The following PALD1 variants were observed in gnomAD, a reference collection of about 807,000 sequenced individuals.
The protein encoded by PALD1 is phosphatase domain containing paladin 1, also known as paladin.
Under a neutral mutation model 96.0 loss-of-function variants are expected in PALD1, and 57 were observed. The observed-to-expected ratio is 0.59, with a 90% CI of 0.48 to 0.74. The LOEUF is 0.74. PALD1 is among the 30% of genes least tolerant of loss of function. PALD1 has a pLI of 0.00. For missense variants in PALD1, 1,063 were observed against 1,143.7 expected (o/e 0.93, Z 1.02); for synonymous variants, 464 against 473.6 (o/e 0.98, Z 0.26).
chr10:70,471,281 A>T, the PALD1 span, among the ~76,000 whole-genome samples: 2 of 151,952 alleles, frequency 1.3e-5, no homozygotes, highest in East Asian at 1.9e-4. Flanking sequence ...TACATTTATT[A>T]CTCTTATCCC....
chr10:70,473,801 A>G (rs778746498), upstream of PALD1, among the ~76,000 whole-genome samples: 9 of 151,894 alleles, frequency 5.9e-5, no homozygotes, highest in Admixed American at 1.3e-4. Context: ...GCACGCCACT[A>G]TGCCTGGCTA....
intron 18 of PALD1, among the ~76,000 whole-genome samples, chr10:70,556,744 C>G (rs1457589986): frequency 1.3e-5 from 2 of 152,234 alleles, no homozygotes; most frequent in Non-Finnish European, 2.9e-5. Context: ...TAAGTGTGCA[C>G]CACTGGGCTT....
chr10:70,534,570 AC>A (rs1197411659), intron 9 of PALD1, 46 bp downstream of exon 9: 7 of 1,395,172 alleles, frequency 5.0e-6, no homozygotes, highest in Admixed American at 1.8e-5. Flanking sequence ...GGTGGAGGGG[AC>A]GGTCACTCCT....
In PALD1 at chr10:70,537,824, G is replaced by A. The variant is rs773228436; in HGVS notation, c.1241G>A (p.Arg414Gln). ...CCTCTCTCTCAGGGAAGCGGCAGCC[G>A]ACACAGCGTCTGGCAGAGGGCGCTG... ...PESPAQGSGS[R>Q]HSVWQRALWS... The change falls in exon 11 of 20, where the codon CGA (arginine) becomes CAA (glutamine). Residue 414 changes from arginine (R) to glutamine (Q), a missense_variant. Transcript: ENST00000263563. 1.1e-5 allele frequency: 18 copies of A among 1,612,552 alleles called. No individual in the cohort carries two copies. The highest frequency in any genetic ancestry group is 4.4e-5 in the South Asian group (4 of 91,020).
chr10:70,481,686 A>G (rs1210730651), intron 1 of PALD1, among the ~76,000 whole-genome samples: 1 of 152,210 alleles, frequency 6.6e-6, no homozygotes, highest in Non-Finnish European at 1.5e-5. Context: ...GGTCTTTGAC[A>G]GGGATCCCCC....
At chr10:70,475,638 A>G (rs1845813160), upstream of PALD1, among the ~76,000 whole-genome samples, 2 of 152,158 alleles carry the variant, frequency 1.3e-5, no homozygotes, top group Admixed American at 6.5e-5. Context: ...GTTTGAACCC[A>G]GCTCCTCTGC....
the PALD1 span, among the ~76,000 whole-genome samples, chr10:70,468,099 C>T: frequency 6.6e-6 from 1 of 152,110 alleles, no homozygotes; most frequent in Non-Finnish European, 1.5e-5. Context: ...CATGGGAAGA[C>T]AGGAATGAGA....
intron 2 of PALD1, 44 bp downstream of exon 2, chr10:70,526,180 T>G: frequency 6.5e-7 from 1 of 1,547,238 alleles, no homozygotes; most frequent in Non-Finnish European, 8.9e-7. Flanking sequence ...GGAGACATGA[T>G]GGGCGGGGGG....
Position 70,538,950 on chromosome 10 carries a change from C to G in PALD1, c.1511C>G (p.Ala504Gly), listed in dbSNP as rs1471227852. 1.9e-6 allele frequency: 3 copies of G among 1,613,872 alleles called. No homozygotes were observed. The highest frequency in any genetic ancestry group is 2.5e-6 in the Non-Finnish European group (3 of 1,179,988). Residue 504 changes from alanine to glycine, a missense_variant, in exon 13 of 20, where the codon GCC (alanine) becomes GGC (glycine). Coordinates refer to ENST00000263563, the MANE Select transcript of PALD1 (RefSeq NM_014431.3). ...AGCACTGTCAGAGAGATGGATGTGGCCAACTTCCGGCGGGTGCCCCGCATG... is the reference window on the plus strand; with the variant it reads ...AGCACTGTCAGAGAGATGGATGTGGGCAACTTCCGGCGGGTGCCCCGCATG... The part of the protein sequence containing the change: ...ALSTVREMDV[A>G]NFRRVPRMPI...
chr10:70,541,576 G>C, intron 17 of PALD1, 42 bp downstream of exon 17: 1 of 1,383,052 alleles, frequency 7.2e-7, no homozygotes, highest in South Asian at 1.2e-5. Context: ...CTTGGGATGG[G>C]AGGAGGAGGA....
intron 1 of PALD1, among the ~76,000 whole-genome samples, chr10:70,505,406 T>C (rs1042624271): frequency 6.6e-6 from 1 of 151,770 alleles, no homozygotes; most frequent in African/African-American, 2.4e-5. Flanking sequence ...GACTAGCCTG[T>C]TCGAGACCAA....
the PALD1 span, among the ~76,000 whole-genome samples, chr10:70,461,061 A>G: frequency 0.041 from 6,265 of 152,216 alleles, 165 homozygotes; most frequent in Middle Eastern, 0.068. Flanking sequence ...GTCTCAAAAA[A>G]AAATAAAAGA....
At chr10:70,546,304 T>C (rs1242434644) in intron 17 of PALD1, among the ~76,000 whole-genome samples, 6 of 152,188 alleles carry the variant, frequency 3.9e-5, no homozygotes. Context: ...ATGGGTGCAT[T>C]GGGGTGGTTT....
the PALD1 span, among the ~76,000 whole-genome samples, chr10:70,467,805 A>G: frequency 5.3e-5 from 8 of 152,194 alleles, no homozygotes; most frequent in African/African-American, 1.9e-4. Context: ...ACAGGAGTGC[A>G]TGGAGGGGAT....
At chr10:70,535,697 T>C (rs1214580344) in intron 10 of PALD1, among the ~76,000 whole-genome samples, 1 of 151,324 alleles carries the variant, frequency 6.6e-6, no homozygotes, top group Non-Finnish European at 1.5e-5. Flanking sequence ...TTTCTTCTTC[T>C]CTTCCTCCTC....
the PALD1 span, among the ~76,000 whole-genome samples, chr10:70,468,600 C>A: frequency 6.6e-6 from 1 of 152,106 alleles, no homozygotes; most frequent in Non-Finnish European, 1.5e-5. Context: ...GTGGAGCCCC[C>A]CTTCCCTGCC....
Position 70,564,510 on chromosome 10 carries a change from G to A in PALD1, c.2409G>A (p.Trp803Ter), listed in dbSNP as rs1173123501. ...CCTGGCAGAGGCCCTTCAGCACCTG[G>A]ATGCAGGAGGTGAGGGGAGGCTGAG... The part of the protein sequence containing the change: ...ADSWQRPFST[W>*]MQEVASKAGI... Residue 803 changes from tryptophan to a stop codon, truncating the protein, a stop_gained, in exon 19 of 20, where the codon TGG becomes TGA. Coordinates refer to ENST00000263563, the MANE Select transcript of PALD1 (RefSeq NM_014431.3). LOFTEE classifies it high-confidence loss of function. 6.2e-7 allele frequency: 1 copy of A among 1,613,754 alleles called. No individual in the cohort carries two copies. Among genetic ancestry groups the A allele is most frequent in the Non-Finnish European group, 8.5e-7 (1 of 1,179,904 alleles).
the PALD1 span, among the ~76,000 whole-genome samples, chr10:70,466,847 C>T: frequency 1.3e-5 from 2 of 152,164 alleles, no homozygotes; most frequent in Non-Finnish European, 2.9e-5. Context: ...AGCTCACCTC[C>T]GGGATGCTGC....
intron 10 of PALD1, 21 bp downstream of exon 10, chr10:70,534,864 T>A: frequency 6.8e-7 from 1 of 1,474,016 alleles, no homozygotes. Context: ...GAAGGACGTG[T>A]GAGCACTCTG....
Sources: allele counts gnomAD v4.1 joint callset (sites outside exome capture counted in the v4.1 genomes callset), GRCh38; gene constraint gnomAD v4.1.1; transcripts MANE v1.5; gene names NCBI Gene and HGNC (gene_info 2026-07-23, HGNC 2026-07-21).